The following TSHZ3 variants were observed in gnomAD, a reference collection of about 807,000 sequenced individuals.
The protein encoded by TSHZ3 is teashirt zinc finger homeobox 3, also known as teashirt homolog 3.
In TSHZ3, 10 loss-of-function variants were observed where a neutral mutation model predicts 64.5. That is an observed-to-expected ratio of 0.16 (90% confidence interval 0.10 to 0.26). The LOEUF is 0.26. TSHZ3 is among the 10% of genes least tolerant of loss of function. The pLI, the probability that TSHZ3 is intolerant of heterozygous loss-of-function variation, is 1.00. For synonymous variants in TSHZ3, 608 were observed against 593.1 expected, an observed-to-expected ratio of 1.03 and a Z score of -0.36; for missense variants, 1,242 against 1,421.7, an observed-to-expected ratio of 0.87 and a Z score of 2.03.
chr19:31,194,821 T>C (rs902103309), intron 5 of TSHZ3, among the ~76,000 whole-genome samples: 3 of 152,150 alleles, frequency 2.0e-5, no homozygotes, highest in Non-Finnish European at 1.5e-5. Flanking sequence ...TGCTAAGAGC[T>C]CTAATGTATA....
chr19:31,229,067 G>A (rs1252704576), intron 3 of TSHZ3, among the ~76,000 whole-genome samples: 1 of 152,068 alleles, frequency 6.6e-6, no homozygotes, highest in Non-Finnish European at 1.5e-5. Context: ...ATATGAGAAG[G>A]GTAAAATTAG....
chr19:31,350,032 C>G (rs1196824357), upstream of TSHZ3, among the ~76,000 whole-genome samples: 1 of 138,276 alleles, frequency 7.2e-6, no homozygotes, highest in African/African-American at 2.7e-5. Flanking sequence ...CGTCCCGGGG[C>G]GCTCGTTACC....
intron 1 of TSHZ3, chr19:31,348,916 A>G (rs1285611925): frequency 2.3e-6 from 1 of 431,672 alleles, no homozygotes; most frequent in African/African-American, 2.1e-5. Flanking sequence ...AGAGCTGAGG[A>G]GGTAGGGACC....
At chr19:31,204,414 C>T (rs533713730) in intron 5 of TSHZ3, among the ~76,000 whole-genome samples, 3 of 151,878 alleles carry the variant, frequency 2.0e-5, no homozygotes, top group Admixed American at 1.3e-4. Flanking sequence ...ATTCCTCCTT[C>T]CCTACCTCCC....
chr19:31,348,992 G>T, intron 1 of TSHZ3, 188 bp downstream of exon 1: 1 of 675,890 alleles, frequency 1.5e-6, no homozygotes, highest in Non-Finnish European at 2.3e-6. Flanking sequence ...AGGGCAGAGC[G>T]CGGCGGGGCG....
upstream of TSHZ3, chr19:31,349,491 AGAGGAGGAGGAGGTG>A (rs930122328): frequency 1.4e-5 from 5 of 344,870 alleles, no homozygotes; most frequent in Admixed American, 1.5e-4. Flanking sequence ...AGGAGGAGGC[AGAGGAGGAGGAGGTG>A]GAGGAGGAGG....
chr19:31,240,985 A>G lies in TSHZ3; in HGVS notation n.550+1284T>C, dbSNP rs182832551. Among the ~76,000 whole-genome samples the G allele has an allele frequency of 5.3e-5, 8 of 152,282 alleles. No homozygotes were observed. The East Asian group carries it at 9.6e-4, about 18-fold the overall frequency. Reference sequence around the variant, plus strand: ...TTGTTTTAAAGTCTTTGCTAGCTCCATCATAGGAGTCATCTTACATTTAGT... The same window carrying G: ...TTGTTTTAAAGTCTTTGCTAGCTCCGTCATAGGAGTCATCTTACATTTAGT... On this transcript the variant is annotated intron_variant and non_coding_transcript_variant, in intron 3 of 6. Coordinates refer to the TSHZ3 transcript ENST00000651361.
chr19:31,248,946 G>A (rs1463322896), intron 1 of TSHZ3, among the ~76,000 whole-genome samples: 1 of 152,034 alleles, frequency 6.6e-6, no homozygotes, highest in African/African-American at 2.4e-5. Flanking sequence ...AGGATGCTGG[G>A]GTGATGGAGC....
chr19:31,326,220 C>A (rs1333325985), intron 1 of TSHZ3, among the ~76,000 whole-genome samples: 1 of 152,120 alleles, frequency 6.6e-6, no homozygotes, highest in Non-Finnish European at 1.5e-5. Context: ...TACTTTTGCA[C>A]CAACATAAAT....
chr19:31,208,495 G>A (rs558857014), intron 4 of TSHZ3, among the ~76,000 whole-genome samples: 1 of 152,314 alleles, frequency 6.6e-6, no homozygotes, highest in East Asian at 1.9e-4. Context: ...CAAGGTGCTA[G>A]TATTAGAAGA....
intron 1 of TSHZ3, among the ~76,000 whole-genome samples, chr19:31,254,847 A>G (rs890950539): frequency 1.3e-5 from 2 of 152,008 alleles, no homozygotes; most frequent in Admixed American, 1.3e-4. Flanking sequence ...GGGTGCCCTG[A>G]TGCTGATGGA....
chr19:31,153,099 A>G (rs1443628151), intron 6 of TSHZ3, among the ~76,000 whole-genome samples: 1 of 152,098 alleles, frequency 6.6e-6, no homozygotes, highest in Admixed American at 6.5e-5. Flanking sequence ...TGGATCAGGA[A>G]CTCTGGTTAG....
At position 31,158,940 on chromosome 19, in the gene TSHZ3, C is replaced by T. The variant is rs115417575; in HGVS notation, n.810-2523G>A. Among the ~76,000 whole-genome samples, 207 of 152,274 alleles carry T rather than the reference C, an allele frequency of 1.4e-3. 1 individual carries two copies. Among genetic ancestry groups the T allele is most frequent in the African/African-American group, 4.5e-3 (188 of 41,568 alleles). On this transcript the variant is annotated intron_variant and non_coding_transcript_variant, in intron 5 of 6. Transcript: ENST00000651361. Reference sequence around the variant, plus strand: ...GGAGTGGCTGTAAATACAGATGACACTTCACTCCTTCTCCCATGGCACCAC... The same window carrying T: ...GGAGTGGCTGTAAATACAGATGACATTTCACTCCTTCTCCCATGGCACCAC...
At chr19:31,236,043 A>G (rs2145179895) in intron 3 of TSHZ3, among the ~76,000 whole-genome samples, 1 of 152,326 alleles carries the variant, frequency 6.6e-6, no homozygotes, top group South Asian at 2.1e-4. Context: ...ATGTATGCTT[A>G]GGATGATTTC....
chr19:31,278,200 T>C lies in TSHZ3; in HGVS notation c.1593A>G (p.Thr531=), dbSNP rs769463997. Residue 531 remains threonine (T), a synonymous_variant, in exon 2 of 2, where the codon ACA becomes ACG. Transcript: ENST00000240587. The surrounding 1 kb of genome is among the most constrained non-coding windows in gnomAD (Gnocchi z 4.7). ...CGTTCTGGGCCTTGTTGATTGCGGA[T>C]GTCACTGTGTTTTCCAAGGATTTGA... ...DILKSLENTV[T]SAINKAQNGT... The C allele has an allele frequency of 1.2e-6, 2 of 1,614,148 alleles. No homozygotes were observed.
At chr19:31,268,550 G>A (rs1043609100) in intron 1 of TSHZ3, among the ~76,000 whole-genome samples, 1 of 152,156 alleles carries the variant, frequency 6.6e-6, no homozygotes, top group African/African-American at 2.4e-5. Flanking sequence ...GACACAGTGG[G>A]GCCCAGGCCA....
chr19:31,348,159 A>C (rs995926971), intron 1 of TSHZ3, among the ~76,000 whole-genome samples: 1 of 152,178 alleles, frequency 6.6e-6, no homozygotes, highest in Non-Finnish European at 1.5e-5. Flanking sequence ...CCAAATCCCA[A>C]AGTTGCACTG....
intron 1 of TSHZ3, among the ~76,000 whole-genome samples, chr19:31,294,531 T>G (rs1377422619): frequency 6.6e-6 from 1 of 152,194 alleles, no homozygotes; most frequent in Non-Finnish European, 1.5e-5. Flanking sequence ...GAACACTGTT[T>G]GGATGGACAG....
chr19:31,278,067 T>C lies in TSHZ3; in HGVS notation c.1726A>G (p.Met576Val), dbSNP rs1185061981. The stretch of plus-strand genomic sequence containing the variant: ...GAGACAATCTCACTGTTGCCAAACA[T>C]GGGTTTCAGGGGCGTGCTCTTCCCC... ...SSGKSTPLKP[M>V]FGNSEIVSPT... Residue 576 changes from methionine to valine, a missense_variant, in exon 2 of 2, where the codon ATG becomes GTG. Coordinates refer to ENST00000240587, the MANE Select transcript of TSHZ3 (RefSeq NM_020856.4). This position sits in a 1 kb window ranked among gnomAD's most constrained non-coding sequence, Gnocchi z 4.7. 3 of 1,613,764 alleles carry C rather than the reference T, an allele frequency of 1.9e-6. No homozygotes were observed. The Admixed American group carries it at 5.0e-5, about 27-fold the overall frequency.
Sources: allele counts gnomAD v4.1 joint callset (sites outside exome capture counted in the v4.1 genomes callset), GRCh38; gene constraint gnomAD v4.1.1; non-coding constraint Gnocchi (gnomAD v3.1); transcripts MANE v1.5; gene names NCBI Gene and HGNC (gene_info 2026-07-23, HGNC 2026-07-21).